GRM8: variants seen among roughly 807,000 people sequenced by gnomAD.
GRM8 encodes metabotropic glutamate receptor 8.
A neutral mutation model predicts 87.2 loss-of-function variants in GRM8; 47 were observed. That is an observed-to-expected ratio of 0.54 (90% CI 0.43 to 0.69). The LOEUF (loss-of-function observed/expected upper bound fraction) is 0.69, where lower values mean the gene tolerates loss of function less well. GRM8 is among the 30% of genes least tolerant of loss of function. GRM8 has a pLI of 0.00. For synonymous variants in GRM8, 396 were observed against 404.5 expected (o/e 0.98, Z 0.25); for missense variants, 1,019 against 1,139.2 (o/e 0.89, Z 1.52).
intron 9 of GRM8, among the ~76,000 whole-genome samples, chr7:126,508,508 A>C (rs978978659): frequency 6.6e-6 from 1 of 152,082 alleles, no homozygotes; most frequent in Non-Finnish European, 1.5e-5. Context: ...TACTTTGGCA[A>C]TTAAATCTCA....
intron 6 of GRM8, among the ~76,000 whole-genome samples, chr7:126,787,262 C>T (rs1459441415): frequency 6.6e-6 from 1 of 152,144 alleles, no homozygotes; most frequent in Non-Finnish European, 1.5e-5. Flanking sequence ...ATGTGTGTGA[C>T]AATCAACAAA....
rs17149777 is a variant in GRM8, at chr7:126,443,616, G to C, written c.2677+2510C>G. On this transcript the variant is annotated intron_variant, in intron 10 of 10. Transcript: ENST00000339582. The stretch of plus-strand genomic sequence containing the variant: ...AGATCAATGCACTAAAATCTCCAAA[G>C]TACAATTAAACTTTTTTTTCAGGCA... Among the ~76,000 whole-genome samples the C allele has an allele frequency of 1.5e-3, 223 of 151,918 alleles. 2 individuals are homozygous for C. Among genetic ancestry groups the C allele is most frequent in the African/African-American group, 5.2e-3 (214 of 41,462 alleles).
chr7:126,739,427 CA>C (rs201734117), intron 7 of GRM8, among the ~76,000 whole-genome samples: 4 of 148,648 alleles, frequency 2.7e-5, no homozygotes, highest in African/African-American at 9.8e-5. Context: ...CACACACACA[CA>C]CACCACATAC....
At chr7:126,823,787 A>G (rs1794512828) in intron 6 of GRM8, among the ~76,000 whole-genome samples, 1 of 152,190 alleles carries the variant, frequency 6.6e-6, no homozygotes, top group African/African-American at 2.4e-5. Context: ...GCTCACTTGA[A>G]TAGTTGAGAG....
At chr7:126,823,215 C>T (rs1586079904) in intron 6 of GRM8, among the ~76,000 whole-genome samples, 1 of 152,162 alleles carries the variant, frequency 6.6e-6, no homozygotes, top group Non-Finnish European at 1.5e-5. Context: ...AAAAGAAAAG[C>T]TTCTATTTTA....
intron 6 of GRM8, among the ~76,000 whole-genome samples, chr7:126,890,479 T>C (rs138733152): frequency 0.013 from 1,971 of 152,172 alleles, 23 homozygotes; most frequent in Middle Eastern, 0.027. Flanking sequence ...CCATCAGAAC[T>C]CTTTCCATCT....
intron 3 of GRM8, among the ~76,000 whole-genome samples, chr7:127,104,934 T>C (rs141478201): frequency 4.6e-5 from 7 of 152,330 alleles, no homozygotes; most frequent in East Asian, 1.9e-4. Context: ...TTATGTCCTG[T>C]TTTGAATTTT....
intron 6 of GRM8, among the ~76,000 whole-genome samples, chr7:126,853,599 A>G (rs1021436109): frequency 3.9e-5 from 6 of 152,094 alleles, no homozygotes; most frequent in Non-Finnish European, 7.4e-5. Flanking sequence ...ATGTATACAT[A>G]TAGACTTAAA....
chr7:126,902,400 C>T (rs62468863), intron 6 of GRM8, 142 bp downstream of exon 6: 1 of 669,080 alleles, frequency 1.5e-6, no homozygotes, highest in South Asian at 2.3e-5. Context: ...AGGGTATGCT[C>T]AGCCCTGAGA....
At chr7:126,884,470 C>A (rs1563281011) in intron 6 of GRM8, among the ~76,000 whole-genome samples, 1 of 151,886 alleles carries the variant, frequency 6.6e-6, no homozygotes, top group African/African-American at 2.4e-5. Flanking sequence ...TTTTTTTCAT[C>A]CTTATCCTTG....
intron 3 of GRM8, among the ~76,000 whole-genome samples, chr7:127,059,588 G>C (rs1444857692): frequency 6.6e-6 from 1 of 152,038 alleles, no homozygotes; most frequent in Non-Finnish European, 1.5e-5. Context: ...CACCCGCCTT[G>C]GCCTCCCAAA....
rs569729206 is a variant in GRM8, at chr7:127,033,763, A to C, written c.727+72733T>G. Among the ~76,000 whole-genome samples, 12 of 152,290 alleles carry C rather than the reference A, an allele frequency of 7.9e-5. No individual in the cohort carries two copies. In the South Asian group the frequency reaches 2.5e-3, roughly 32 times the overall value. On this transcript the variant is annotated intron_variant, in intron 3 of 10. Transcript: ENST00000339582. ...TATTAAACCACAACTCCTATGTTTT[A>C]AGAGATATAGAGAACAATCACCCTC... is the stretch of plus-strand genomic sequence containing the variant.
intron 6 of GRM8, among the ~76,000 whole-genome samples, chr7:126,825,313 A>T (rs913558647): frequency 1.3e-5 from 2 of 152,082 alleles, no homozygotes; most frequent in African/African-American, 4.8e-5. Context: ...TGATCTGCCC[A>T]CCTTGGCCTC....
intron 9 of GRM8, among the ~76,000 whole-genome samples, chr7:126,471,381 A>G (rs1805203349): frequency 1.3e-5 from 2 of 152,060 alleles, no homozygotes; most frequent in African/African-American, 4.8e-5. Flanking sequence ...GGTGTAAGGA[A>G]GGGATCCAGT....
chr7:126,658,133 CA>C (rs1249408384), intron 7 of GRM8, among the ~76,000 whole-genome samples: 2 of 152,098 alleles, frequency 1.3e-5, no homozygotes, highest in African/African-American at 4.8e-5. Context: ...GAGAAGTAGG[CA>C]GAAAGAACAG....
intron 3 of GRM8, among the ~76,000 whole-genome samples, chr7:127,065,862 T>C (rs1465672818): frequency 6.6e-6 from 1 of 152,186 alleles, no homozygotes; most frequent in African/African-American, 2.4e-5. Flanking sequence ...ATTCATTCTT[T>C]CATTTAAAAA....
intron 6 of GRM8, among the ~76,000 whole-genome samples, chr7:126,895,799 T>C (rs60693426): frequency 0.024 from 3,664 of 152,120 alleles, 135 homozygotes; most frequent in African/African-American, 0.083. Flanking sequence ...ACTACATGTA[T>C]AACTGAAAAT....
At chr7:126,953,509 G>A (rs965611262) in intron 3 of GRM8, among the ~76,000 whole-genome samples, 3 of 152,092 alleles carry the variant, frequency 2.0e-5, no homozygotes, top group African/African-American at 7.2e-5. Flanking sequence ...TAAGATGGAC[G>A]ACTTGGGCAG....
chr7:127,234,664 G>A (rs922013744), intron 2 of GRM8, among the ~76,000 whole-genome samples: 8 of 152,206 alleles, frequency 5.3e-5, no homozygotes, highest in African/African-American at 1.9e-4. Flanking sequence ...AGAAATGGCA[G>A]TTCTCAGACC....
Sources: gnomAD v4.1 joint callset for allele counts (sites outside exome capture counted in the v4.1 genomes callset) on GRCh38, gnomAD v4.1.1 for gene constraint, MANE v1.5 for transcripts, NCBI Gene and HGNC (gene_info 2026-07-23, HGNC 2026-07-21) for gene names.